The following FNBP1L variants were observed in gnomAD, a reference collection of about 807,000 sequenced individuals.
The protein encoded by FNBP1L is formin-binding protein 1-like.
Under a neutral mutation model 91.2 loss-of-function variants are expected in FNBP1L, and 36 were observed. The observed-to-expected ratio is 0.39, with a 90% CI of 0.30 to 0.52. The LOEUF (loss-of-function observed/expected upper bound fraction) is 0.52. FNBP1L is among the 20% of genes least tolerant of loss of function. FNBP1L has a pLI of 0.66. For missense variants in FNBP1L, 571 were observed against 732.1 expected, an observed-to-expected ratio of 0.78 and a Z score of 2.54; for synonymous variants, 242 against 237.0, an observed-to-expected ratio of 1.02 and a Z score of -0.19.
chr1:93,495,173 T>C (rs1261522444), intron 1 of FNBP1L, among the ~76,000 whole-genome samples: 3 of 152,130 alleles, frequency 2.0e-5, no homozygotes, highest in African/African-American at 4.8e-5. Flanking sequence ...CATGGAAAAA[T>C]AGAAATATTT....
intron 2 of FNBP1L, among the ~76,000 whole-genome samples, chr1:93,502,353 T>G (rs946059298): frequency 6.6e-6 from 1 of 152,088 alleles, no homozygotes. Flanking sequence ...AGGATATGCT[T>G]CAAAAGAGAT....
chr1:93,464,729 T>A (rs1669016137), intron 1 of FNBP1L, among the ~76,000 whole-genome samples: 1 of 152,226 alleles, frequency 6.6e-6, no homozygotes, highest in African/African-American at 2.4e-5. Context: ...AATTATTACC[T>A]AATAACTTAA....
At chr1:93,538,887 G>A (rs751410681) in intron 10 of FNBP1L, among the ~76,000 whole-genome samples, 12 of 151,766 alleles carry the variant, frequency 7.9e-5, no homozygotes, top group African/African-American at 1.5e-4. Flanking sequence ...AGAAAAACTC[G>A]TGTGTACAGA....
intron 14 of FNBP1L, among the ~76,000 whole-genome samples, chr1:93,548,129 G>C (rs1557823094): frequency 2.0e-5 from 3 of 152,122 alleles, no homozygotes; most frequent in Non-Finnish European, 4.4e-5. Flanking sequence ...AAAGCACCTA[G>C]TAGTAAATAG....
At chr1:93,473,827 C>T (rs971854131) in intron 1 of FNBP1L, among the ~76,000 whole-genome samples, 1 of 152,192 alleles carries the variant, frequency 6.6e-6, no homozygotes, top group Non-Finnish European at 1.5e-5. Context: ...CAGTTGGGAG[C>T]TGCTAGTAGT....
intron 2 of FNBP1L, among the ~76,000 whole-genome samples, chr1:93,508,694 A>G (rs1670715346): frequency 6.6e-6 from 1 of 152,124 alleles, no homozygotes. Context: ...CTAGAGTTCA[A>G]ATTAGTGTTA....
At chr1:93,520,660 G>A (rs2818969) in intron 2 of FNBP1L, among the ~76,000 whole-genome samples, 23,478 of 151,944 alleles carry the variant, frequency 0.15, 2,027 homozygotes, top group Middle Eastern at 0.19. Flanking sequence ...TTTATTTCTC[G>A]TAACTGTATG....
chr1:93,524,138 G>GA, intron 4 of FNBP1L, 123 bp from the exon 5 acceptor site: 3 of 710,432 alleles, frequency 4.2e-6, no homozygotes, highest in Non-Finnish European at 6.2e-6. Flanking sequence ...TTAGTACCTT[G>GA]AAAAAAATAA....
At chr1:93,542,591 C>T (rs1411194274) in intron 11 of FNBP1L, among the ~76,000 whole-genome samples, 1 of 151,572 alleles carries the variant, frequency 6.6e-6, no homozygotes, top group African/African-American at 2.4e-5. Context: ...TATAGCTCAT[C>T]CTAGGAGTGA....
intron 1 of FNBP1L, among the ~76,000 whole-genome samples, chr1:93,479,061 GTTCT>G (rs947276556): frequency 2.6e-5 from 4 of 152,146 alleles, no homozygotes; most frequent in African/African-American, 7.2e-5. Flanking sequence ...TTCAACGTAG[GTTCT>G]TTCTATTTTC....
chr1:93,493,446 G>T (rs1434348054), intron 1 of FNBP1L, among the ~76,000 whole-genome samples: 1 of 152,118 alleles, frequency 6.6e-6, no homozygotes, highest in African/African-American at 2.4e-5. Flanking sequence ...CGTTGATACT[G>T]TTGTACAACC....
intron 1 of FNBP1L, among the ~76,000 whole-genome samples, chr1:93,452,873 G>C (rs542410646): frequency 2.7e-4 from 41 of 152,294 alleles, no homozygotes; most frequent in African/African-American, 9.9e-4. Context: ...CAATAATTTT[G>C]TGTCTATTAT....
chr1:93,533,568 T>C (rs1015392654), intron 8 of FNBP1L, among the ~76,000 whole-genome samples: 1 of 152,182 alleles, frequency 6.6e-6, no homozygotes, highest in Non-Finnish European at 1.5e-5. Context: ...GACTAGGGTC[T>C]TTTATCTCAG....
At position 93,476,325 on chromosome 1, in the gene FNBP1L, C is replaced by G. The variant is rs575609813; in HGVS notation, c.25-23143C>G. On this transcript the variant is annotated intron_variant, in intron 1 of 16. Coordinates refer to ENST00000271234, the MANE Select transcript of FNBP1L (RefSeq NM_001164473.3). Reference sequence around the variant, plus strand: ...ACTAGCTGGTAAACCCTGAGCCTTACTTTCCATGTTTGTATAATAATAGGA... The same window carrying G: ...ACTAGCTGGTAAACCCTGAGCCTTAGTTTCCATGTTTGTATAATAATAGGA... Among the ~76,000 whole-genome samples the G allele has an allele frequency of 5.3e-5, 8 of 152,248 alleles. No homozygotes were observed. The South Asian group carries it at 1.7e-3, about 32-fold the overall frequency.
chr1:93,531,739 TA>T lies in FNBP1L; in HGVS notation c.639+858del, dbSNP rs1424278934. Among the ~76,000 whole-genome samples the T allele has an allele frequency of 1.1e-4, 16 of 152,284 alleles. No homozygotes were observed. In the East Asian group the frequency reaches 1.2e-3, roughly 11 times the overall value. The stretch of plus-strand genomic sequence containing the variant: ...AAGTCTTCATATTCTGGGGAAACTA[TA>T]ACTTGTGGAGATAAACTACCTTTTG... On this transcript the variant is annotated intron_variant, in intron 7 of 16. Coordinates refer to ENST00000271234, the MANE Select transcript of FNBP1L (RefSeq NM_001164473.3).
chr1:93,494,389 G>T (rs183619802), intron 1 of FNBP1L, among the ~76,000 whole-genome samples: 1 of 152,174 alleles, frequency 6.6e-6, no homozygotes, highest in East Asian at 1.9e-4. Flanking sequence ...GGTTTTTATG[G>T]GGGCTCCATT....
At position 93,522,086 on chromosome 1, in the gene FNBP1L, C is replaced by G. The variant is rs778711202; in HGVS notation, c.145C>G (p.Leu49Val). 6.6e-7 allele frequency: 1 copy of G among 1,516,848 alleles called. No homozygotes were observed. Among genetic ancestry groups the G allele is most frequent in the African/African-American group, 1.4e-5 (1 of 70,922 alleles). The allele number at this position is 1,516,848 out of a possible 1,614,324, so 94.0% of individuals were successfully genotyped here. A position where few individuals can be genotyped will look rare whatever the true frequency, so the allele number is the denominator to read the frequency against. ...EQNYAKQLRN[L>V]VKKYCPKRSS... is the part of the protein sequence containing the mutation. ...TAAAAAATCTTCTTCCTATAGAAATCTGGTTAAGAAGTACTGCCCCAAACG... is the reference window on the plus strand; with the variant it reads ...TAAAAAATCTTCTTCCTATAGAAATGTGGTTAAGAAGTACTGCCCCAAACG... Residue 49 changes from leucine (L) to valine (V), a missense_variant, in exon 3 of 17, where the codon CTG (leucine) becomes GTG (valine). Around this residue, in one of 5 missense-constraint regions of FNBP1L, gnomAD observed 220 missense variants for 313.6 expected, o/e 0.70. Coordinates refer to ENST00000271234, the MANE Select transcript of FNBP1L (RefSeq NM_001164473.3).
chr1:93,552,591 A>T lies in FNBP1L; in HGVS notation c.*175A>T. 1.8e-6 allele frequency: 1 copy of T among 559,638 alleles called. No homozygotes were observed. The highest frequency in any genetic ancestry group is 3.0e-6 in the Non-Finnish European group (1 of 332,756). The allele number at this position is 559,638 out of a possible 1,614,324, so 34.7% of individuals were successfully genotyped here. A position where few individuals can be genotyped will look rare whatever the true frequency, so the allele number is the denominator to read the frequency against. On this transcript the variant is annotated 3_prime_UTR_variant, in exon 17 of 17. Transcript: ENST00000271234. The stretch of plus-strand genomic sequence containing the variant: ...ATTAGCATTTCCATACATTGTTTTT[A>T]AAAATCATAATACCAACCCTTAAGT...
At chr1:93,538,129 C>T (rs1348658657) in intron 10 of FNBP1L, among the ~76,000 whole-genome samples, 1 of 151,502 alleles carries the variant, frequency 6.6e-6, no homozygotes, top group Non-Finnish European at 1.5e-5. Context: ...ATATTTTACA[C>T]TATATAGTCA....
Sources: allele counts gnomAD v4.1 joint callset (sites outside exome capture counted in the v4.1 genomes callset), GRCh38; gene constraint gnomAD v4.1.1; regional missense constraint gnomAD v4.1.1; transcripts MANE v1.5; gene names NCBI Gene and HGNC (gene_info 2026-07-23, HGNC 2026-07-21).